UTP20: variants seen among roughly 807,000 people sequenced by gnomAD.
The protein encoded by UTP20 is UTP20 small subunit processome component, also known as small subunit processome component 20 homolog.
Under a neutral mutation model 329.5 loss-of-function variants are expected in UTP20, and 164 were observed. The observed-to-expected ratio is 0.50, with a 90% CI of 0.44 to 0.57. UTP20 has a LOEUF of 0.57. Ranked by LOEUF, UTP20 falls within the 20% of genes least tolerant of loss-of-function variation. The pLI, the probability that UTP20 is intolerant of heterozygous loss-of-function variation, is 0.00. For synonymous variants in UTP20, 1,151 were observed against 1,159.3 expected (o/e 0.99, Z 0.14); for missense variants, 3,055 against 3,284.2 (o/e 0.93, Z 1.71).
chr12:101,358,087 C>T (rs1869786797), intron 43 of UTP20, among the ~76,000 whole-genome samples: 1 of 152,178 alleles, frequency 6.6e-6, no homozygotes, highest in African/African-American at 2.4e-5. Context: ...GTTAGCTTTA[C>T]TTTGTACATC....
At chr12:101,293,043 G>A (rs570200050) in intron 10 of UTP20, 125 bp from the exon 11 acceptor site, 2 of 892,288 alleles carry the variant, frequency 2.2e-6, no homozygotes, top group East Asian at 2.5e-5. Flanking sequence ...CTTTGGAGAA[G>A]GCCGGGCAAC....
chr12:101,303,498 GCGGT>G (rs1162136113), intron 15 of UTP20, among the ~76,000 whole-genome samples: 2 of 152,158 alleles, frequency 1.3e-5, no homozygotes, highest in Non-Finnish European at 2.9e-5. Flanking sequence ...GAGGATACCT[GCGGT>G]CTGGGCTGCT....
chr12:101,284,155 G>A (rs769971043), intron 2 of UTP20, among the ~76,000 whole-genome samples: 37 of 152,008 alleles, frequency 2.4e-4, no homozygotes, highest in Non-Finnish European at 5.1e-4. Context: ...TGGGAATATT[G>A]TGTGATGCTG....
At chr12:101,311,913 G>A (rs1872805492) in intron 20 of UTP20, 115 bp downstream of exon 20, 19 of 1,554,112 alleles carry the variant, frequency 1.2e-5, no homozygotes, top group Non-Finnish European at 1.6e-5. Flanking sequence ...ATATTATCAT[G>A]ATAACTTTTG....
chr12:101,319,577 A>C lies in UTP20; in HGVS notation c.2771A>C (p.Lys924Thr), dbSNP rs1873082180. The change falls in exon 23 of 62, where the codon AAA (lysine) becomes ACA (threonine). Residue 924 changes from lysine (K) to threonine (T), a missense_variant. Coordinates refer to ENST00000261637, the MANE Select transcript of UTP20 (RefSeq NM_014503.3). ...QLIAHLQVFS[K>T]FSNPRALYLE... Reference sequence around the variant, plus strand: ...ATTGCTCATTTGCAAGTTTTCTCTAAATTTTCAAATCCACGGGCCTTATAT... The same window carrying C: ...ATTGCTCATTTGCAAGTTTTCTCTACATTTTCAAATCCACGGGCCTTATAT... 1.2e-6 allele frequency: 2 copies of C among 1,608,184 alleles called. No homozygotes were observed. Among genetic ancestry groups the C allele is most frequent in the South Asian group, 1.1e-5 (1 of 89,692 alleles).
At chr12:101,341,764 G>A (rs1869142950) in intron 32 of UTP20, among the ~76,000 whole-genome samples, 1 of 152,068 alleles carries the variant, frequency 6.6e-6, no homozygotes, top group Admixed American at 6.6e-5. Flanking sequence ...AATTAGCCTG[G>A]CATGGTGGCG....
In UTP20 at chr12:101,286,015, G is replaced by A. The variant is rs1353511699; in HGVS notation, c.326+134G>A. On this transcript the variant is annotated intron_variant, in intron 4 of 61. Transcript: ENST00000261637. The stretch of plus-strand genomic sequence containing the variant: ...CAAGGAGGATTTTCCTTTTCTGTTA[G>A]GAATAAGTGCATTACCATAAAGTGG... 4 of 1,270,958 alleles carry A rather than the reference G, an allele frequency of 3.1e-6. No homozygotes were observed. In the East Asian group the frequency reaches 7.1e-5, roughly 23 times the overall value. The allele number at this position is 1,270,958 out of a possible 1,614,324, so 78.7% of individuals were successfully genotyped here.
At chr12:101,337,888 T>A (rs1275318625) in intron 29 of UTP20, among the ~76,000 whole-genome samples, 163 bp from the exon 30 acceptor site, 1 of 152,216 alleles carries the variant, frequency 6.6e-6, no homozygotes, top group African/African-American at 2.4e-5. Flanking sequence ...AGGTAATACT[T>A]AGAATTATTA....
chr12:101,368,649 C>T (rs1870178778), intron 48 of UTP20, among the ~76,000 whole-genome samples: 1 of 152,132 alleles, frequency 6.6e-6, no homozygotes, highest in Admixed American at 6.5e-5. Context: ...TCACCTTTGT[C>T]ACTATTACTG....
chr12:101,371,148 G>T lies in UTP20; in HGVS notation c.6778G>T (p.Ala2260Ser), dbSNP rs759773189. The T allele has an allele frequency of 1.9e-6, 3 of 1,613,742 alleles. No individual in the cohort carries two copies. Among genetic ancestry groups the T allele is most frequent in the Non-Finnish European group, 2.5e-6 (3 of 1,179,908 alleles). Residue 2260 changes from alanine (A) to serine (S), a missense_variant, in exon 51 of 62, where the codon GCC (alanine) becomes TCC (serine). This residue lies in a region of UTP20 where 273 missense variants were observed against 363.1 expected (regional missense o/e 0.75). Coordinates refer to ENST00000261637, the MANE Select transcript of UTP20 (RefSeq NM_014503.3). The part of the protein sequence containing the change: ...KLAVSAQSEP[A>S]RVQCRQVFLK... ...GGCAGTCTCTGCACAAAGCGAACCT[G>T]CCAGGGTCCAGTGTAGACAGGTTTG...
At position 101,342,456 on chromosome 12, in the gene UTP20, T is replaced by A; in HGVS notation, c.4112T>A (p.Val1371Asp). The change falls in exon 33 of 62, where the codon GTT (valine) becomes GAT (aspartate). Residue 1371 changes from valine to aspartate, a missense_variant. Val to Asp is a radical substitution (Grantham distance 152). Coordinates refer to ENST00000261637, the MANE Select transcript of UTP20 (RefSeq NM_014503.3). Reference sequence around the variant, plus strand: ...TTATTTCTTCTCAAGGATACAGAGGTTGATATTCTGGTGACAGTACAAAAC... The same window carrying A: ...TTATTTCTTCTCAAGGATACAGAGGATGATATTCTGGTGACAGTACAAAAC... Reference protein sequence around the residue: ...HRGNIAEDTEVDILVTVQNLL... With the variant: ...HRGNIAEDTEDDILVTVQNLL... The A allele has an allele frequency of 6.2e-7, 1 of 1,607,044 alleles. No individual in the cohort carries two copies. The highest frequency in any genetic ancestry group is 8.5e-7 in the Non-Finnish European group (1 of 1,178,186).
chr12:101,303,771 C>G (rs1379922519), intron 15 of UTP20, among the ~76,000 whole-genome samples: 1 of 152,190 alleles, frequency 6.6e-6, no homozygotes, highest in Non-Finnish European at 1.5e-5. Context: ...ATCACTCCGG[C>G]TGCTGTGTTG....
intron 58 of UTP20, 58 bp from the exon 59 acceptor site, chr12:101,382,983 C>A (rs1870698758): frequency 6.5e-7 from 1 of 1,544,018 alleles, no homozygotes; most frequent in African/African-American, 1.4e-5. Flanking sequence ...CTCTACTAAG[C>A]CTTATTTATT....
intron 57 of UTP20, 42 bp from the exon 58 acceptor site, chr12:101,381,098 T>C (rs1870631016): frequency 6.7e-7 from 1 of 1,494,526 alleles, no homozygotes; most frequent in South Asian, 1.1e-5. Context: ...CAATCAGAAA[T>C]GTCCTGTGTT....
At chr12:101,312,789 C>T (rs1052890885) in intron 21 of UTP20, among the ~76,000 whole-genome samples, 1 of 152,184 alleles carries the variant, frequency 6.6e-6, no homozygotes, top group Non-Finnish European at 1.5e-5. Context: ...ATTGGCACAG[C>T]TACAAAGCAC....
intron 24 of UTP20, 141 bp from the exon 25 acceptor site, chr12:101,321,363 G>T: frequency 8.3e-7 from 1 of 1,210,020 alleles, no homozygotes. Flanking sequence ...ATTTTTTTGA[G>T]GATTTTCCTT....
intron 58 of UTP20, 101 bp from the exon 59 acceptor site, chr12:101,382,940 T>C: frequency 7.0e-7 from 1 of 1,428,796 alleles, no homozygotes; most frequent in East Asian, 2.3e-5. Context: ...TTGTTTTTGT[T>C]TTCTAATTGT....
rs1869326614 is a variant in UTP20 at position 101,346,431 on chromosome 12, A to C, written c.4747-20A>C. ...GGTGAGATTATTCGGTAACTAATTC[A>C]TATTTTATCTTACCCATAGATCCAC... is the stretch of plus-strand genomic sequence containing the variant. On this transcript the variant is annotated intron_variant, in intron 37 of 61. Transcript: ENST00000261637. 1 of 1,566,986 alleles carries C rather than the reference A, an allele frequency of 6.4e-7. No individual in the cohort carries two copies. Among genetic ancestry groups the C allele is most frequent in the South Asian group, 1.2e-5 (1 of 82,146 alleles).
chr12:101,336,408 T>G (rs1477634430), intron 29 of UTP20, among the ~76,000 whole-genome samples: 1 of 152,246 alleles, frequency 6.6e-6, no homozygotes, highest in Non-Finnish European at 1.5e-5. Flanking sequence ...TAAGTAAGTT[T>G]AAATTTTCTC....
Sources: gnomAD v4.1 joint callset for allele counts (sites outside exome capture counted in the v4.1 genomes callset) on GRCh38, gnomAD v4.1.1 for gene constraint, gnomAD v4.1.1 regional missense constraint, MANE v1.5 for transcripts, NCBI Gene and HGNC (gene_info 2026-07-23, HGNC 2026-07-21) for gene names.